HPSE2: variants seen among roughly 807,000 people sequenced by gnomAD.
HPSE2 encodes heparanase 2 (inactive).
In HPSE2, 38 loss-of-function variants were observed where a neutral mutation model predicts 60.5. The ratio of observed to expected loss-of-function variants is 0.63; its 90% CI spans 0.48 to 0.82. HPSE2 has a LOEUF of 0.82. Among genes scored for constraint, HPSE2 ranks in the 40% least tolerant of loss-of-function variants. The probability of loss-of-function intolerance (pLI) is 0.00; values close to 1 mark genes in which losing one functional copy is unlikely to be tolerated. For missense variants in HPSE2, 713 were observed against 740.4 expected (o/e 0.96, Z 0.43); for synonymous variants, 295 against 293.2 (o/e 1.01, Z -0.06).
At chr10:98,572,479 A>G (rs1245091957) in intron 9 of HPSE2, among the ~76,000 whole-genome samples, 2 of 152,056 alleles carry the variant, frequency 1.3e-5, no homozygotes, top group Admixed American at 6.6e-5. Flanking sequence ...GACCTGATCC[A>G]CACACGCTCA....
chr10:99,168,115 C>T (rs1847160142), intron 2 of HPSE2, among the ~76,000 whole-genome samples: 1 of 151,732 alleles, frequency 6.6e-6, no homozygotes, highest in Admixed American at 6.6e-5. Context: ...CACACACACA[C>T]ACACACACAC....
chr10:99,047,595 A>G, intron 3 of HPSE2: 1 of 636,104 alleles, frequency 1.6e-6, no homozygotes, highest in South Asian at 1.9e-5. Context: ...GCCAGAATCT[A>G]TAAGGGACTT....
intron 3 of HPSE2, among the ~76,000 whole-genome samples, chr10:98,979,914 A>T (rs1956168469): frequency 1.3e-5 from 2 of 152,194 alleles, no homozygotes; most frequent in Non-Finnish European, 2.9e-5. Context: ...GTTATTCTAA[A>T]TTCAAAGCCA....
At chr10:99,042,278 G>C (rs944638388) in intron 3 of HPSE2, among the ~76,000 whole-genome samples, 1 of 151,976 alleles carries the variant, frequency 6.6e-6, no homozygotes, top group Admixed American at 6.6e-5. Context: ...CCTGACCCCT[G>C]CCCCACCCTT....
intron 9 of HPSE2, among the ~76,000 whole-genome samples, chr10:98,568,808 C>T (rs973020776): frequency 1.3e-5 from 2 of 152,176 alleles, no homozygotes; most frequent in Admixed American, 6.5e-5. Flanking sequence ...AAGGTTTCCA[C>T]CCAGCTAAGG....
intron 3 of HPSE2, among the ~76,000 whole-genome samples, chr10:98,874,170 ATG>A (rs1195188391): frequency 1.6e-5 from 2 of 126,306 alleles, no homozygotes; most frequent in African/African-American, 7.6e-5. Flanking sequence ...GTTCACTCTG[ATG>A]TTTTTTTTTT....
chr10:98,538,277 C>T (rs1436751639), intron 9 of HPSE2, among the ~76,000 whole-genome samples: 2 of 152,170 alleles, frequency 1.3e-5, no homozygotes, highest in African/African-American at 4.8e-5. Flanking sequence ...GGGGAGAACA[C>T]CCGCTAAGCC....
intron 3 of HPSE2, among the ~76,000 whole-genome samples, chr10:99,125,965 C>G (rs903900668): frequency 6.6e-6 from 1 of 152,148 alleles, no homozygotes. Flanking sequence ...AGTGAATTTT[C>G]ATGAGCAGAA....
intron 2 of HPSE2, among the ~76,000 whole-genome samples, chr10:99,199,457 T>C (rs1190966223): frequency 6.6e-6 from 1 of 152,074 alleles, no homozygotes. Flanking sequence ...TTTTTGGGTA[T>C]GGTATAAAAT....
the HPSE2 span, among the ~76,000 whole-genome samples, chr10:99,255,043 T>C: frequency 1.3e-5 from 2 of 152,248 alleles, no homozygotes; most frequent in East Asian, 1.9e-4. Flanking sequence ...ATTTTATATA[T>C]TAAATCAGTA....
intron 3 of HPSE2, among the ~76,000 whole-genome samples, chr10:99,106,752 C>G (rs1428165772): frequency 1.3e-5 from 2 of 151,822 alleles, no homozygotes; most frequent in Admixed American, 6.6e-5. Context: ...TAATATTATC[C>G]CCATTTATAG....
chr10:98,920,956 T>C (rs1590079411), intron 3 of HPSE2, among the ~76,000 whole-genome samples: 1 of 152,186 alleles, frequency 6.6e-6, no homozygotes, highest in Non-Finnish European at 1.5e-5. Flanking sequence ...TTGGATGACA[T>C]TGCCTTAGAG....
intron 3 of HPSE2, among the ~76,000 whole-genome samples, chr10:99,018,348 CA>C (rs775249313): frequency 6.6e-6 from 1 of 152,244 alleles, no homozygotes; most frequent in Non-Finnish European, 1.5e-5. Flanking sequence ...CTAGAAAGAG[CA>C]GTTGGAATTA....
the HPSE2 span, among the ~76,000 whole-genome samples, chr10:99,257,451 G>A: frequency 6.6e-6 from 1 of 152,118 alleles, no homozygotes; most frequent in Non-Finnish European, 1.5e-5. Flanking sequence ...CGCTTCGGGG[G>A]GCAGCTGTCT....
chr10:99,249,049 T>G, the HPSE2 span, among the ~76,000 whole-genome samples: 1 of 152,174 alleles, frequency 6.6e-6, no homozygotes, highest in Non-Finnish European at 1.5e-5. Context: ...GAAGCCCTCA[T>G]GGAGAACCTC....
At chr10:98,881,951 G>A (rs1485532128) in intron 3 of HPSE2, among the ~76,000 whole-genome samples, 1 of 152,054 alleles carries the variant, frequency 6.6e-6, no homozygotes, top group East Asian at 1.9e-4. Context: ...TATGTGACTT[G>A]TTTTGGGCTC....
At chr10:98,835,817 T>C (rs1161047810) in intron 3 of HPSE2, among the ~76,000 whole-genome samples, 1 of 152,238 alleles carries the variant, frequency 6.6e-6, no homozygotes, top group East Asian at 1.9e-4. Flanking sequence ...TTGTGGGTCA[T>C]GGGTCCTCAC....
At chr10:98,922,416 T>C (rs1954307525) in intron 3 of HPSE2, among the ~76,000 whole-genome samples, 1 of 152,182 alleles carries the variant, frequency 6.6e-6, no homozygotes, top group Non-Finnish European at 1.5e-5. Flanking sequence ...CTGGGGTAGC[T>C]TGCATATTAT....
intron 11 of HPSE2, among the ~76,000 whole-genome samples, chr10:98,461,514 G>A (rs542524297): frequency 7.2e-4 from 109 of 152,372 alleles, no homozygotes; most frequent in Non-Finnish European, 1.4e-3. Context: ...ACTCATTGGA[G>A]TGGAAGGCAG....
Sources: allele counts gnomAD v4.1 joint callset (sites outside exome capture counted in the v4.1 genomes callset), GRCh38; gene constraint gnomAD v4.1.1; transcripts MANE v1.5; gene names NCBI Gene and HGNC (gene_info 2026-07-23, HGNC 2026-07-21).